Variants in CNTN4 observed in about 807,000 individuals in gnomAD.
The protein encoded by CNTN4 is contactin 4, also known as contactin-4.
A neutral mutation model predicts 122.5 loss-of-function variants in CNTN4; 77 were observed. The ratio of observed to expected loss-of-function variants is 0.63; its 90% confidence interval spans 0.52 to 0.76. CNTN4 has a LOEUF of 0.76. Ranked by LOEUF, CNTN4 falls within the 30% of genes least tolerant of loss-of-function variation. The pLI is 0.00. For missense variants in CNTN4, 1,256 were observed against 1,259.1 expected, an observed-to-expected ratio of 1.00 and a Z score of 0.04; for synonymous variants, 512 against 447.0, an observed-to-expected ratio of 1.15 and a Z score of -1.83.
At chr3:2,710,249 G>A (rs977247457) in intron 4 of CNTN4, among the ~76,000 whole-genome samples, 3 of 152,108 alleles carry the variant, frequency 2.0e-5, no homozygotes, top group Non-Finnish European at 4.4e-5. Context: ...TAATTTAATG[G>A]CACCCATCCT....
chr3:2,403,121 C>T lies in CNTN4; in HGVS notation c.-89+63888C>T, dbSNP rs139076326. Reference sequence around the variant, plus strand: ...CCTTGGCCTTCTTTGTCTTGTATCACGCCGAGCTCTGCTTAAACCTTCTCT... The same window carrying T: ...CCTTGGCCTTCTTTGTCTTGTATCATGCCGAGCTCTGCTTAAACCTTCTCT... On this transcript the variant is annotated intron_variant, in intron 3 of 24. Coordinates refer to ENST00000418658, the MANE Select transcript of CNTN4 (RefSeq NM_175607.3). Among the ~76,000 whole-genome samples the T allele has an allele frequency of 2.2e-3, 342 of 152,134 alleles. 1 individual carries two copies. The highest frequency in any genetic ancestry group is 8.0e-3 in the African/African-American group (330 of 41,502).
At chr3:2,457,621 T>G (rs553255023) in intron 3 of CNTN4, among the ~76,000 whole-genome samples, 124 of 152,276 alleles carry the variant, frequency 8.1e-4, no homozygotes, top group Non-Finnish European at 1.3e-3. Flanking sequence ...CATTTTAAGC[T>G]CATTCAGCAG....
intron 2 of CNTN4, among the ~76,000 whole-genome samples, chr3:2,170,118 G>A (rs932918495): frequency 2.6e-4 from 40 of 151,884 alleles, no homozygotes; most frequent in Non-Finnish European, 4.6e-4. Context: ...TCAGGAGATC[G>A]AGACCATCCT....
intron 3 of CNTN4, among the ~76,000 whole-genome samples, chr3:2,342,874 G>A (rs1227740092): frequency 6.6e-6 from 1 of 152,158 alleles, no homozygotes; most frequent in Non-Finnish European, 1.5e-5. Flanking sequence ...ACCTAGAATA[G>A]GCAAAACTAT....
chr3:2,526,745 A>G (rs1168254026), intron 3 of CNTN4, among the ~76,000 whole-genome samples: 1 of 152,026 alleles, frequency 6.6e-6, no homozygotes, highest in Admixed American at 6.6e-5. Context: ...AGGTTTTTTT[A>G]CTTAATATTT....
rs2093222733 is a variant in CNTN4, at chr3:2,836,221, T to C, written c.454+16640T>C. Among the ~76,000 whole-genome samples the C allele has an allele frequency of 2.6e-5, 4 of 152,186 alleles. No homozygotes were observed. The South Asian group carries it at 8.3e-4, about 32-fold the overall frequency. On this transcript the variant is annotated intron_variant, in intron 7 of 24. Coordinates refer to ENST00000418658, the MANE Select transcript of CNTN4 (RefSeq NM_175607.3). ...TGGAAGGAATTGAAAGTTGTCAAGA[T>C]TTACTCTCTCCAAGTTCTCTGGTCT...
At chr3:3,047,107 G>C (rs1290198139) in intron 23 of CNTN4, among the ~76,000 whole-genome samples, 1 of 151,290 alleles carries the variant, frequency 6.6e-6, no homozygotes, top group African/African-American at 2.4e-5. Flanking sequence ...CCCAATACAG[G>C]AGCACCCAGA....
intron 13 of CNTN4, among the ~76,000 whole-genome samples, chr3:2,946,819 T>C (rs922332040): frequency 6.7e-6 from 1 of 150,248 alleles, no homozygotes; most frequent in Admixed American, 6.7e-5. Flanking sequence ...CAATCCTCCC[T>C]TCTTAGCCCC....
In CNTN4 at chr3:2,265,018, C is replaced by A. The variant is rs370319446; in HGVS notation, c.-144-74160C>A. On this transcript the variant is annotated intron_variant, in intron 2 of 24. Transcript: ENST00000418658. ...TCTTTCATCCCTCACGCCACTCGTACTCTTTCCCCTGAGTCCCCAAAGTCC... is the reference window on the plus strand; with the variant it reads ...TCTTTCATCCCTCACGCCACTCGTAATCTTTCCCCTGAGTCCCCAAAGTCC... Among the ~76,000 whole-genome samples the A allele has an allele frequency of 7.9e-5, 12 of 152,130 alleles. No homozygotes were observed. In the South Asian group the frequency reaches 2.5e-3, roughly 32 times the overall value.
At chr3:2,587,423 A>C (rs916157203) in intron 4 of CNTN4, among the ~76,000 whole-genome samples, 2 of 152,210 alleles carry the variant, frequency 1.3e-5, no homozygotes, top group African/African-American at 2.4e-5. Flanking sequence ...TTTGCACACA[A>C]ATGATCCTTG....
intron 3 of CNTN4, among the ~76,000 whole-genome samples, chr3:2,560,195 C>A (rs1292549736): frequency 6.6e-6 from 1 of 150,922 alleles, no homozygotes; most frequent in Non-Finnish European, 1.5e-5. Flanking sequence ...GGCTACAGTG[C>A]AGTGGTGCAA....
Position 2,222,750 on chromosome 3 carries a change from G to A in CNTN4, c.-144-116428G>A, listed in dbSNP as rs111242160. Among the ~76,000 whole-genome samples, 5 of 152,034 alleles carry A rather than the reference G, an allele frequency of 3.3e-5. No individual in the cohort carries two copies. In the East Asian group the frequency reaches 5.8e-4, roughly 18 times the overall value. On this transcript the variant is annotated intron_variant, in intron 2 of 24. Transcript: ENST00000418658. ...AACTTATCATTATAAATAAGCTATC[G>A]TTGGCCTTATCAAATGTGCTTCCTG...
chr3:2,732,180 G>A (rs149560449), intron 4 of CNTN4, among the ~76,000 whole-genome samples: 3 of 152,234 alleles, frequency 2.0e-5, no homozygotes, highest in East Asian at 3.9e-4. Flanking sequence ...GGTGTTGGCC[G>A]ATGTTCTGTT....
At position 2,465,629 on chromosome 3, in the gene CNTN4, A is replaced by T. The variant is rs533970553; in HGVS notation, c.-88-105787A>T. ...GAGGCAGAGGTTGCAGTGAGCCGAGATTGCGCCACTTCACTCCAGCCTAGG... is the reference window on the plus strand; with the variant it reads ...GAGGCAGAGGTTGCAGTGAGCCGAGTTTGCGCCACTTCACTCCAGCCTAGG... On this transcript the variant is annotated intron_variant, in intron 3 of 24. Coordinates refer to ENST00000418658, the MANE Select transcript of CNTN4 (RefSeq NM_175607.3). Among the ~76,000 whole-genome samples the T allele has an allele frequency of 9.2e-5, 14 of 152,334 alleles. No homozygotes were observed. The South Asian group carries it at 2.9e-3, about 32-fold the overall frequency.
intron 6 of CNTN4, among the ~76,000 whole-genome samples, chr3:2,785,407 C>G (rs1362345045): frequency 6.6e-6 from 1 of 152,074 alleles, no homozygotes; most frequent in African/African-American, 2.4e-5. Context: ...TCATTCTACT[C>G]AGGCCTTCAG....
At chr3:2,108,530 G>A (rs1225271860) in intron 2 of CNTN4, among the ~76,000 whole-genome samples, 1 of 152,076 alleles carries the variant, frequency 6.6e-6, no homozygotes, top group East Asian at 1.9e-4. Context: ...CATTTAACAT[G>A]CCACTCGGTG....
chr3:2,612,687 T>A (rs2081551363), intron 4 of CNTN4, among the ~76,000 whole-genome samples: 1 of 152,180 alleles, frequency 6.6e-6, no homozygotes, highest in African/African-American at 2.4e-5. Flanking sequence ...ATGAGCTGCA[T>A]TGCTACATAT....
At position 2,661,104 on chromosome 3, in the gene CNTN4, A is replaced by T. The variant is rs2083869237; in HGVS notation, c.56-75111A>T. On this transcript the variant is annotated intron_variant, in intron 4 of 24. Transcript: ENST00000418658. ...TATCCTCTATATCCTACTACTACCA[A>T]ACAGTTTTTCTTCAGCTGAGCCAAT... is the stretch of plus-strand genomic sequence containing the variant. Among the ~76,000 whole-genome samples, 2 of 152,148 alleles carry T rather than the reference A, an allele frequency of 1.3e-5. 1 individual carries two copies. Among genetic ancestry groups the T allele is most frequent in the South Asian group, 4.1e-4 (2 of 4,822 alleles).
At chr3:2,770,126 T>C (rs1202662589) in intron 6 of CNTN4, among the ~76,000 whole-genome samples, 1 of 151,750 alleles carries the variant, frequency 6.6e-6, no homozygotes, top group East Asian at 1.9e-4. Context: ...AACTCCCTGG[T>C]TCAAGCAATT....
Sources: allele counts gnomAD v4.1 joint callset (sites outside exome capture counted in the v4.1 genomes callset), GRCh38; gene constraint gnomAD v4.1.1; transcripts MANE v1.5; gene names NCBI Gene and HGNC (gene_info 2026-07-23, HGNC 2026-07-21).